PEAK1: variants seen among roughly 807,000 people sequenced by gnomAD.
PEAK1 encodes inactive tyrosine-protein kinase PEAK1.
In PEAK1, 54 loss-of-function variants were observed where a neutral mutation model predicts 124.7. That is an observed-to-expected ratio of 0.43 (90% confidence interval 0.35 to 0.54). The LOEUF (loss-of-function observed/expected upper bound fraction) is 0.54, where lower values mean the gene tolerates loss of function less well. Ranked by LOEUF, PEAK1 falls within the 20% of genes least tolerant of loss-of-function variation. The probability of loss-of-function intolerance (pLI) is 0.01; values close to 1 mark genes in which losing one functional copy is unlikely to be tolerated. For missense variants in PEAK1, 2,046 were observed against 2,134.5 expected (o/e 0.96, Z 0.82); for synonymous variants, 719 against 760.0 (o/e 0.95, Z 0.89).
chr15:77,130,501 G>T (rs1412586011), intron 9 of PEAK1, among the ~76,000 whole-genome samples: 1 of 152,126 alleles, frequency 6.6e-6, no homozygotes, highest in Non-Finnish European at 1.5e-5. Flanking sequence ...TGTAACTGCA[G>T]AGGGTAGCTA....
intron 2 of PEAK1, chr15:77,350,390 T>G (rs1265495618): frequency 1.0e-6 from 1 of 985,270 alleles, no homozygotes; most frequent in Non-Finnish European, 1.2e-6. Flanking sequence ...TCATTTGTGC[T>G]CAGCAAGGAC....
chr15:77,225,592 G>A (rs1370619503), intron 6 of PEAK1, among the ~76,000 whole-genome samples: 1 of 146,206 alleles, frequency 6.8e-6, no homozygotes, highest in Non-Finnish European at 1.5e-5. Context: ...TGGTCCAGAA[G>A]TAAGCAATGG....
At chr15:77,240,905 C>A (rs1234747754) in intron 6 of PEAK1, among the ~76,000 whole-genome samples, 1 of 152,128 alleles carries the variant, frequency 6.6e-6, no homozygotes, top group Non-Finnish European at 1.5e-5. Context: ...CAATTCTGAA[C>A]AGTCTATTCC....
At chr15:77,343,571 C>T (rs1185314875) in intron 2 of PEAK1, among the ~76,000 whole-genome samples, 2 of 151,222 alleles carry the variant, frequency 1.3e-5, no homozygotes, top group Non-Finnish European at 2.9e-5. Context: ...ACTGCAACGT[C>T]CACCCCCTGG....
chr15:77,295,322 G>A lies in PEAK1; in HGVS notation c.-602-8818C>T, dbSNP rs150578793. On this transcript the variant is annotated intron_variant, in intron 2 of 9. Coordinates refer to ENST00000682557, the MANE Select transcript of PEAK1 (RefSeq NM_001385026.1). ...ATGGTATATACAACATAAAACAGTT[G>A]CCAATACTAAGGAAGAGAAAAAAAG... Among the ~76,000 whole-genome samples, 585 of 151,986 alleles carry A rather than the reference G, an allele frequency of 3.8e-3. 2 individuals are homozygous for A. Among genetic ancestry groups the A allele is most frequent in the African/African-American group, 0.012 (477 of 41,464 alleles).
At position 77,327,851 on chromosome 15, in the gene PEAK1, T is replaced by C. The variant is rs181266900; in HGVS notation, c.-603+37312A>G. On this transcript the variant is annotated intron_variant, in intron 2 of 9. Coordinates refer to ENST00000682557, the MANE Select transcript of PEAK1 (RefSeq NM_001385026.1). ...TGAAAATTAAGGAAGATACTCACAT[T>C]TTGAAGATTTAAGAATTAATTGATA... Among the ~76,000 whole-genome samples, 155 of 152,104 alleles carry C rather than the reference T, an allele frequency of 1.0e-3. 2 individuals carry two copies. The highest frequency in any genetic ancestry group is 3.4e-3 in the Middle Eastern group (1 of 294).
rs911125406 is a variant in PEAK1 at position 77,109,804 on chromosome 15, C to A, written c.*4352G>T. ...ACTAGTGAGGAGAATGAAAAACATG[C>A]CAGGGTTGGCCCAGCAAGTCCAGTT... On this transcript the variant is annotated 3_prime_UTR_variant, in exon 10 of 10. Coordinates refer to ENST00000682557, the MANE Select transcript of PEAK1 (RefSeq NM_001385026.1). 2.0e-5 allele frequency: 3 copies of A among 152,154 alleles called. No homozygotes were observed. Among genetic ancestry groups the A allele is most frequent in the Non-Finnish European group, 4.4e-5 (3 of 68,046 alleles). 9.4% of individuals were successfully genotyped at this position (152,154 alleles called of 1,614,324 possible).
intron 5 of PEAK1, among the ~76,000 whole-genome samples, chr15:77,267,481 C>G (rs893495002): frequency 2.0e-5 from 3 of 152,132 alleles, no homozygotes; most frequent in African/African-American, 7.2e-5. Flanking sequence ...CTACCTCCAC[C>G]AGAGCAGGTG....
Position 77,114,480 on chromosome 15 carries a change from C to T in PEAK1, c.4917G>A (p.Gln1639=). 1 of 1,614,056 alleles carries T rather than the reference C, an allele frequency of 6.2e-7. No individual in the cohort carries two copies. The highest frequency in any genetic ancestry group is 8.5e-7 in the Non-Finnish European group (1 of 1,179,978). The change falls in exon 10 of 10, where the codon CAG becomes CAA. Residue 1639 remains glutamine, a synonymous_variant. Coordinates refer to ENST00000682557, the MANE Select transcript of PEAK1 (RefSeq NM_001385026.1). ...GATTCAGGAGGCAGCTGGCCAGCTG[C>T]TGCAGACCCCGGGAGTAGGGGGAGC... ...PFRSPYSRGL[Q]QLASCLLNPN...
At position 77,228,681 on chromosome 15, in the gene PEAK1, G is replaced by T. The variant is rs2059781693; in HGVS notation, c.-115+23686C>A. Among the ~76,000 whole-genome samples the T allele has an allele frequency of 2.0e-5, 3 of 151,780 alleles. No individual in the cohort carries two copies. The South Asian group carries it at 6.2e-4, about 32-fold the overall frequency. Reference sequence around the variant, plus strand: ...TGGGCTTTTGATACTTGTCTTTTTGGTGCTTTCCCCATTAAAAAAATTAAA... The same window carrying T: ...TGGGCTTTTGATACTTGTCTTTTTGTTGCTTTCCCCATTAAAAAAATTAAA... On this transcript the variant is annotated intron_variant, in intron 6 of 9. Transcript: ENST00000682557.
chr15:77,151,462 C>T (rs1596364154), intron 8 of PEAK1, among the ~76,000 whole-genome samples: 1 of 152,130 alleles, frequency 6.6e-6, no homozygotes. Context: ...TTGTAGGTTG[C>T]CTGTTCACTC....
At chr15:77,231,909 TCTGA>T (rs908346316) in intron 6 of PEAK1, among the ~76,000 whole-genome samples, 1 of 152,172 alleles carries the variant, frequency 6.6e-6, no homozygotes, top group African/African-American at 2.4e-5. Flanking sequence ...TAAAAGTACT[TCTGA>T]CTATGTTTAA....
intron 5 of PEAK1, among the ~76,000 whole-genome samples, chr15:77,259,893 C>G (rs1041235615): frequency 1.3e-5 from 2 of 152,086 alleles, no homozygotes; most frequent in African/African-American, 4.8e-5. Flanking sequence ...GCCAAGAAGG[C>G]TAGAATTTAT....
At chr15:77,152,769 C>G (rs1304754089) in intron 8 of PEAK1, among the ~76,000 whole-genome samples, 1 of 152,094 alleles carries the variant, frequency 6.6e-6, no homozygotes, top group African/African-American at 2.4e-5. Flanking sequence ...GTCTTTGGTT[C>G]TGTTTATATG....
At chr15:77,164,326 T>C (rs188489248) in intron 7 of PEAK1, among the ~76,000 whole-genome samples, 1 of 152,188 alleles carries the variant, frequency 6.6e-6, no homozygotes, top group African/African-American at 2.4e-5. Flanking sequence ...TTATCTGATA[T>C]CTGATGAGTT....
Position 77,180,840 on chromosome 15 carries a change from T to C in PEAK1, c.1087A>G (p.Lys363Glu), listed in dbSNP as rs576988042. Residue 363 changes from lysine to glutamate, a missense_variant, in exon 7 of 10, where the codon AAG becomes GAG. By Grantham distance (56) the Lys-to-Glu change is moderately conservative (BLOSUM62 1). Transcript: ENST00000682557. The part of the protein sequence containing the change: ...RSETASSLSQ[K>E]ICNGGLSPGN... ...GGAGATAATCCCCCATTACAAATCTTCTGGGATAAACTACTGGCTGTCTCA... is the reference window on the plus strand; with the variant it reads ...GGAGATAATCCCCCATTACAAATCTCCTGGGATAAACTACTGGCTGTCTCA... The C allele has an allele frequency of 3.1e-6, 5 of 1,613,912 alleles. No individual in the cohort carries two copies. In the South Asian group the frequency reaches 5.5e-5, roughly 18 times the overall value.
intron 5 of PEAK1, among the ~76,000 whole-genome samples, chr15:77,262,170 G>A (rs1452799453): frequency 6.6e-6 from 1 of 152,186 alleles, no homozygotes; most frequent in African/African-American, 2.4e-5. Flanking sequence ...AAACTGTAAA[G>A]ACCATCGATG....
At chr15:77,251,260 A>G (rs183615270) in intron 6 of PEAK1, among the ~76,000 whole-genome samples, 97 of 152,374 alleles carry the variant, frequency 6.4e-4, no homozygotes, top group Non-Finnish European at 1.3e-3. Flanking sequence ...TTTAAGAATG[A>G]TAAAGGATCT....
At chr15:77,158,759 T>C in intron 7 of PEAK1, 63 bp from the exon 8 acceptor site, 1 of 1,512,368 alleles carries the variant, frequency 6.6e-7, no homozygotes, top group African/African-American at 1.4e-5. Flanking sequence ...TTTAGATTTA[T>C]GGAAGGCATA....
Sources: allele counts gnomAD v4.1 joint callset (sites outside exome capture counted in the v4.1 genomes callset), GRCh38; gene constraint gnomAD v4.1.1; transcripts MANE v1.5; gene names NCBI Gene and HGNC (gene_info 2026-07-23, HGNC 2026-07-21).